The following SMARCA5 variants were observed in gnomAD, a reference collection of about 807,000 sequenced individuals.
SMARCA5 encodes the protein SWI/SNF-related matrix-associated actin-dependent regulator of chromatin subfamily A member 5.
Under a neutral mutation model 140.4 loss-of-function variants are expected in SMARCA5, and 18 were observed. The ratio of observed to expected loss-of-function variants is 0.13; its 90% CI spans 0.09 to 0.19. The LOEUF (loss-of-function observed/expected upper bound fraction) is 0.19. Ranked by LOEUF, SMARCA5 falls within the 10% of genes least tolerant of loss-of-function variation. The pLI, the probability that SMARCA5 is intolerant of heterozygous loss-of-function variation, is 1.00. For missense variants in SMARCA5, 606 were observed against 1,276.8 expected (o/e 0.47, Z 8.01); for synonymous variants, 449 against 419.6 (o/e 1.07, Z -0.86).
Position 143,550,031 on chromosome 4 carries a change from T to G in SMARCA5, c.3020T>G (p.Leu1007Trp). The G allele has an allele frequency of 6.3e-7, 1 of 1,599,998 alleles. No individual in the cohort carries two copies. The highest frequency in any genetic ancestry group is 8.5e-7 in the Non-Finnish European group (1 of 1,173,802). Residue 1007 changes from leucine to tryptophan, a missense_variant, in exon 23 of 24, where the codon TTG becomes TGG. Transcript: ENST00000283131. ...LQRRCNTLIT[L>W]IERENMELEE... is the part of the protein sequence containing the mutation. Reference sequence around the variant, plus strand: ...AGGAGATGTAATACCTTAATTACTTTGATTGAAAGAGAAAACATGGAACTA... The same window carrying G: ...AGGAGATGTAATACCTTAATTACTTGGATTGAAAGAGAAAACATGGAACTA...
At position 143,540,351 on chromosome 4, in the gene SMARCA5, T is replaced by C. The variant is rs966991940; in HGVS notation, c.1771-12T>C. The C allele has an allele frequency of 1.3e-6, 2 of 1,570,696 alleles. No homozygotes were observed. The highest frequency in any genetic ancestry group is 2.8e-5 in the African/African-American group (2 of 72,702). On this transcript the variant is annotated splice_polypyrimidine_tract_variant and intron_variant, in intron 13 of 23. Transcript: ENST00000283131. ...TTAAACTAAATTCAAAATAACATGG[T>C]AATTTATTTAGGACCGAGCACATAG...
intron 14 of SMARCA5, among the ~76,000 whole-genome samples, chr4:143,542,306 T>C (rs1392401505): frequency 6.6e-6 from 1 of 152,216 alleles, no homozygotes; most frequent in East Asian, 1.9e-4. Context: ...GTAGACATGT[T>C]AGTCAAACAG....
intron 13 of SMARCA5, 46 bp downstream of exon 13, chr4:143,538,984 T>G (rs746679874): frequency 2.0e-6 from 3 of 1,527,488 alleles, no homozygotes; most frequent in Admixed American, 1.7e-5. Context: ...TAGATGGCGT[T>G]AGTTAGGACA....
At chr4:143,542,536 T>C (rs1334765929) in intron 14 of SMARCA5, among the ~76,000 whole-genome samples, 1 of 152,204 alleles carries the variant, frequency 6.6e-6, no homozygotes, top group East Asian at 1.9e-4. Flanking sequence ...TCATGGATGT[T>C]TGGCTGTATA....
chr4:143,541,394 A>T (rs1272415686), intron 14 of SMARCA5, among the ~76,000 whole-genome samples: 2 of 152,204 alleles, frequency 1.3e-5, no homozygotes, highest in Non-Finnish European at 2.9e-5. Flanking sequence ...ATGTCCATGT[A>T]AGAGAGTATT....
At chr4:143,527,366 TTTTG>T (rs771243081) in intron 6 of SMARCA5, among the ~76,000 whole-genome samples, 51 of 152,332 alleles carry the variant, frequency 3.3e-4, no homozygotes, top group East Asian at 1.2e-3. Flanking sequence ...AGTTATCAAT[TTTTG>T]TTTGTTTGTT....
At chr4:143,526,632 C>A (rs575077054) in intron 6 of SMARCA5, among the ~76,000 whole-genome samples, 172 bp downstream of exon 6, 1 of 151,822 alleles carries the variant, frequency 6.6e-6, no homozygotes, top group Admixed American at 6.6e-5. Context: ...GAGGCCGAGG[C>A]GGGTGGATCA....
chr4:143,553,109 C>T lies in SMARCA5; in HGVS notation c.3094-10C>T. 2 of 1,605,514 alleles carry T rather than the reference C, an allele frequency of 1.2e-6. No homozygotes were observed. Among genetic ancestry groups the T allele is most frequent in the Non-Finnish European group, 1.7e-6 (2 of 1,172,486 alleles). On this transcript the variant is annotated splice_polypyrimidine_tract_variant and intron_variant, in intron 23 of 23. Transcript: ENST00000283131. ...GTCTTGTGAAAAGTAATCCTTCTGT[C>T]TGTTTGTAGACACAGAAACGTAAAA...
chr4:143,548,782 G>A (rs1737579941), intron 22 of SMARCA5, among the ~76,000 whole-genome samples: 1 of 152,044 alleles, frequency 6.6e-6, no homozygotes, highest in South Asian at 2.1e-4. Context: ...TTAGTCTTAA[G>A]TTTGGGATAT....
chr4:143,541,982 T>G (rs1012758934), intron 14 of SMARCA5, among the ~76,000 whole-genome samples: 1 of 151,884 alleles, frequency 6.6e-6, no homozygotes, highest in African/African-American at 2.4e-5. Context: ...CTCAGCCTCC[T>G]GAGTAGCTGG....
rs558983459 is a variant in SMARCA5 at position 143,533,172 on chromosome 4, C to T, written c.1159-1683C>T. On this transcript the variant is annotated intron_variant, in intron 9 of 23. Transcript: ENST00000283131. Reference sequence around the variant, plus strand: ...TGTCTCATTGTTTAATAAAAGAAACCAGATATAAATGGGTGCATATTGAGT... The same window carrying T: ...TGTCTCATTGTTTAATAAAAGAAACTAGATATAAATGGGTGCATATTGAGT... Among the ~76,000 whole-genome samples, 3 of 151,972 alleles carry T rather than the reference C, an allele frequency of 2.0e-5. No individual in the cohort carries two copies. In the East Asian group the frequency reaches 5.8e-4, roughly 29 times the overall value.
chr4:143,550,593 C>A (rs1188805072), intron 23 of SMARCA5, among the ~76,000 whole-genome samples: 2 of 152,002 alleles, frequency 1.3e-5, no homozygotes, highest in Non-Finnish European at 2.9e-5. Flanking sequence ...CCCACCCCCA[C>A]TGCCTTTCTC....
At chr4:143,534,816 T>C (rs774247687) in intron 9 of SMARCA5, 39 bp from the exon 10 acceptor site, 1 of 1,402,988 alleles carries the variant, frequency 7.1e-7, no homozygotes, top group East Asian at 2.4e-5. Context: ...ACCTTATGTG[T>C]AATATTGGTA....
intron 5 of SMARCA5, among the ~76,000 whole-genome samples, chr4:143,525,956 T>C (rs1044597429): frequency 6.6e-6 from 1 of 152,212 alleles, no homozygotes; most frequent in African/African-American, 2.4e-5. Context: ...AAAAGTTTCC[T>C]TATTGCTATA....
rs766123951 is a variant in SMARCA5 at position 143,514,120 on chromosome 4, A to T, written c.177+19A>T. ...GATGGAGGTGAGGGCGACTTGCGGC[A>T]TGGGGAGCGGGTGCAGCGGGGAGGA... On this transcript the variant is annotated intron_variant, in intron 1 of 23. Coordinates refer to ENST00000283131, the MANE Select transcript of SMARCA5 (RefSeq NM_003601.4). The T allele has an allele frequency of 6.6e-7, 1 of 1,516,828 alleles. No individual in the cohort carries two copies. The allele number at this position is 1,516,828 out of a possible 1,614,324, so 94.0% of individuals were successfully genotyped here. A position where few individuals can be genotyped will look rare whatever the true frequency, so the allele number is the denominator to read the frequency against.
chr4:143,534,462 A>C (rs1481580787), intron 9 of SMARCA5, among the ~76,000 whole-genome samples: 1 of 152,222 alleles, frequency 6.6e-6, no homozygotes, highest in Non-Finnish European at 1.5e-5. Flanking sequence ...CATCTGTGTT[A>C]AATATACCGA....
chr4:143,538,124 T>C (rs28534433), intron 11 of SMARCA5, among the ~76,000 whole-genome samples: 34,143 of 151,818 alleles, frequency 0.22, 4,228 homozygotes, highest in East Asian at 0.6. Context: ...TCATGGCAGA[T>C]AAGTGATAAG....
At chr4:143,526,528 A>G in intron 6 of SMARCA5, 68 bp downstream of exon 6, 5 of 998,968 alleles carry the variant, frequency 5.0e-6, no homozygotes, top group Non-Finnish European at 7.7e-6. Flanking sequence ...GGGTATGGGT[A>G]TAGCTGGAAG....
chr4:143,515,364 A>C (rs1736806543), intron 1 of SMARCA5, among the ~76,000 whole-genome samples: 1 of 152,164 alleles, frequency 6.6e-6, no homozygotes, highest in Non-Finnish European at 1.5e-5. Flanking sequence ...ATTACTTCCA[A>C]ATTAAAATAT....
Sources: gnomAD v4.1 joint callset for allele counts (sites outside exome capture counted in the v4.1 genomes callset) on GRCh38, gnomAD v4.1.1 for gene constraint, MANE v1.5 for transcripts, NCBI Gene and HGNC (gene_info 2026-07-23, HGNC 2026-07-21) for gene names.